The following USP50 variants were observed in gnomAD, a reference collection of about 807,000 sequenced individuals.
USP50 encodes ubiquitin specific peptidase 50.
A neutral mutation model predicts 39.2 loss-of-function variants in USP50; 37 were observed. That is an observed-to-expected ratio of 0.94 (90% CI 0.73 to 1.24). The LOEUF is 1.24. Ranked by LOEUF, USP50 falls within the 50% of genes most tolerant of loss-of-function variation. USP50 has a pLI of 0.00. For missense variants in USP50, 374 were observed against 398.2 expected (o/e 0.94, Z 0.52); for synonymous variants, 139 against 144.5 (o/e 0.96, Z 0.27).
intron 1 of USP50, among the ~76,000 whole-genome samples, chr15:50,495,189 GATATAT>G (rs147090227): frequency 1.4e-5 from 2 of 146,710 alleles, no homozygotes; most frequent in African/African-American, 5.0e-5. Flanking sequence ...CCACTGAACA[GATATAT>G]ATATATATAC....
chr15:50,498,608 T>C, downstream of USP50: 1 of 1,608,910 alleles, frequency 6.2e-7, no homozygotes, highest in Non-Finnish European at 8.5e-7. Context: ...TTTCCTACGA[T>C]GGCAGGTGGA....
chr15:50,511,632 T>G (rs2052739749), intron 6 of USP50: 1 of 152,240 alleles, frequency 6.6e-6, no homozygotes, highest in African/African-American at 2.4e-5. Context: ...TGAATGAAAC[T>G]TGAAAACATT....
At chr15:50,531,791 G>T (rs1219803224) in intron 5 of USP50, among the ~76,000 whole-genome samples, 1 of 152,170 alleles carries the variant, frequency 6.6e-6, no homozygotes, top group African/African-American at 2.4e-5. Flanking sequence ...CTAGTTTTCA[G>T]TTCAACACGT....
intron 5 of USP50, among the ~76,000 whole-genome samples, chr15:50,537,070 G>A (rs1211500056): frequency 6.6e-6 from 1 of 152,118 alleles, no homozygotes; most frequent in Non-Finnish European, 1.5e-5. Flanking sequence ...TCAAGACAAT[G>A]TGGTATTGGT....
chr15:50,496,496 A>C (rs1480775792), downstream of USP50, among the ~76,000 whole-genome samples: 5 of 151,942 alleles, frequency 3.3e-5, no homozygotes, highest in Non-Finnish European at 5.9e-5. Flanking sequence ...AAAAAAAAAA[A>C]AAAACCTTTT....
downstream of USP50, chr15:50,494,009 G>A (rs182445055): frequency 1.1e-5 from 17 of 1,561,416 alleles, no homozygotes; most frequent in African/African-American, 2.7e-5. Context: ...AGAATCTACT[G>A]TACCTTGCTT....
At chr15:50,528,151 C>T (rs1053378124) in intron 6 of USP50, among the ~76,000 whole-genome samples, 1 of 151,252 alleles carries the variant, frequency 6.6e-6, no homozygotes, top group African/African-American at 2.4e-5. Context: ...AAGTGATCCT[C>T]CTATCTCAGC....
At chr15:50,527,104 C>T (rs2052904350) in intron 6 of USP50, among the ~76,000 whole-genome samples, 1 of 152,192 alleles carries the variant, frequency 6.6e-6, no homozygotes, top group Non-Finnish European at 1.5e-5. Context: ...TTCTAGTCTA[C>T]AGATGTATGC....
intron 3 of USP50, 92 bp from the exon 4 acceptor site, chr15:50,541,356 AC>A: frequency 3.7e-6 from 4 of 1,091,800 alleles, no homozygotes; most frequent in Non-Finnish European, 5.2e-6. Flanking sequence ...TACAAAAAAA[AC>A]AAAAAATTAG....
chr15:50,538,273 C>CAAAAAAAAAAAAA (rs766139797), intron 5 of USP50, among the ~76,000 whole-genome samples: 1 of 17,316 alleles, frequency 5.8e-5, no homozygotes, highest in Non-Finnish European at 1.7e-4. Flanking sequence ...GAGACTGTCT[C>CAAAAAAAAAAAAA]AAAAAAAAAA....
At chr15:50,494,155 A>T in intron 1 of USP50, 1 of 1,613,220 alleles carries the variant, frequency 6.2e-7, no homozygotes, top group Non-Finnish European at 8.5e-7. Context: ...GTATAGATAT[A>T]TCAGTCCAAA....
intron 6 of USP50, chr15:50,503,502 CCA>C (rs1263457300): frequency 6.6e-6 from 1 of 152,186 alleles, no homozygotes; most frequent in Non-Finnish European, 1.5e-5. Context: ...GGATTGAGAT[CCA>C]CATACAAAGC....
At chr15:50,493,861 C>G, downstream of USP50, 2 of 708,870 alleles carry the variant, frequency 2.8e-6, no homozygotes, top group South Asian at 3.0e-5. Flanking sequence ...GGAGACCATG[C>G]AGGGCTTGCA....
intron 1 of USP50, among the ~76,000 whole-genome samples, chr15:50,545,591 A>C (rs1022654014): frequency 4.0e-5 from 6 of 151,368 alleles, no homozygotes; most frequent in African/African-American, 1.5e-4. Flanking sequence ...TATGTATGGC[A>C]TATATATTGA....
intron 1 of USP50, among the ~76,000 whole-genome samples, chr15:50,546,004 C>A (rs1041069248): frequency 6.6e-6 from 1 of 151,250 alleles, no homozygotes; most frequent in Non-Finnish European, 1.5e-5. Flanking sequence ...ATTGCCCAGA[C>A]CTGCCTGCAC....
intron 5 of USP50, chr15:50,532,357 G>T: frequency 2.7e-6 from 1 of 373,314 alleles, no homozygotes; most frequent in Non-Finnish European, 5.3e-6. Context: ...TAACTAACCT[G>T]GGAGAAGGAA....
intron 6 of USP50, among the ~76,000 whole-genome samples, chr15:50,528,100 T>C (rs1335505217): frequency 6.6e-6 from 1 of 151,136 alleles, no homozygotes; most frequent in Non-Finnish European, 1.5e-5. Flanking sequence ...AGATGGGGTT[T>C]TGCCATGTTG....
At chr15:50,511,122 A>T (rs1314700347) in intron 6 of USP50, 4 of 152,208 alleles carry the variant, frequency 2.6e-5, no homozygotes, top group Admixed American at 1.3e-4. Flanking sequence ...GATTTTCTGA[A>T]TGTTTGCAAA....
downstream of USP50, chr15:50,499,964 T>C (rs2052551345): frequency 6.6e-6 from 1 of 152,162 alleles, no homozygotes; most frequent in African/African-American, 2.4e-5. Context: ...TCAGGCATGA[T>C]TGCAAAGTGA....
Sources: gnomAD v4.1 joint callset for allele counts (sites outside exome capture counted in the v4.1 genomes callset) on GRCh38, gnomAD v4.1.1 for gene constraint, MANE v1.5 for transcripts, NCBI Gene and HGNC (gene_info 2026-07-23, HGNC 2026-07-21) for gene names.